Variants in REEP6 observed in about 807,000 individuals in gnomAD.
REEP6 encodes receptor expression-enhancing protein 6.
A neutral mutation model predicts 22.4 loss-of-function variants in REEP6; 19 were observed. That is an observed-to-expected ratio of 0.85 (90% CI 0.59 to 1.25). The LOEUF is 1.25. REEP6 is among the 50% of genes most tolerant of loss of function. REEP6 has a pLI of 0.00. For synonymous variants in REEP6, 121 were observed against 113.6 expected, an observed-to-expected ratio of 1.06 and a Z score of -0.41; for missense variants, 273 against 251.9, an observed-to-expected ratio of 1.08 and a Z score of -0.57.
rs142474541 is a variant in REEP6 at position 1,495,414 on chromosome 19, G to A, written c.209+27G>A. 5.8e-5 allele frequency: 94 copies of A among 1,613,680 alleles called. 1 individual carries two copies. The Middle Eastern group carries it at 1.2e-3, about 20-fold the overall frequency. On this transcript the variant is annotated intron_variant, in intron 2 of 4. Coordinates refer to ENST00000233596, the MANE Select transcript of REEP6 (RefSeq NM_138393.4). The stretch of plus-strand genomic sequence containing the variant: ...TGAGTGCACGGCTGGCTGCCCACGC[G>A]GGGGGTTCTGGGGGCTCCCTGGCAG...
chr19:1,491,364 A>T lies in REEP6; in HGVS notation c.95A>T (p.Glu32Val), dbSNP rs901177993. The T allele has an allele frequency of 1.4e-6, 2 of 1,470,496 alleles. No individual in the cohort carries two copies. Among genetic ancestry groups the T allele is most frequent in the Non-Finnish European group, 1.8e-6 (2 of 1,111,538 alleles). The allele number at this position is 1,470,496 out of a possible 1,614,324, so 91.1% of individuals were successfully genotyped here. The change falls in exon 1 of 5, where the codon GAG (glutamate) becomes GTG (valine). Residue 32 changes from glutamate to valine, a missense_variant. Coordinates refer to ENST00000233596, the MANE Select transcript of REEP6 (RefSeq NM_138393.4). This position sits in a 1 kb window ranked among gnomAD's most constrained non-coding sequence, Gnocchi z 5.4. Reference protein sequence around the residue: ...LGALEAKTGVEKRYLAAGAVT... With the variant: ...LGALEAKTGVVKRYLAAGAVT... ...GCGCTGGAGGCCAAGACCGGGGTGG[A>T]GAAGCGGTATCTGGCTGCAGGTGAG...
rs2085015778 is a variant in REEP6 at position 1,497,150 on chromosome 19, CCCCA to C, written c.518-20_518-17del. Reference sequence around the variant, plus strand: ...AGCCCAGGCCTGCCTCACGGCCCTCCCCCACCCGCCCCTCTCTCTGCAGTCAAGC... The same window carrying C: ...AGCCCAGGCCTGCCTCACGGCCCTCCCCCGCCCCTCTCTCTGCAGTCAAGC... On this transcript the variant is annotated intron_variant, in intron 4 of 4. Transcript: ENST00000233596. The surrounding 1 kb of genome is among the most constrained non-coding windows in gnomAD (Gnocchi z 6.5). 1.5e-6 allele frequency: 2 copies of C among 1,357,790 alleles called. No individual in the cohort carries two copies. The highest frequency in any genetic ancestry group is 2.6e-5 in the East Asian group (1 of 38,638). The allele number at this position is 1,357,790 out of a possible 1,614,324, so 84.1% of individuals were successfully genotyped here. A position where few individuals can be genotyped will look rare whatever the true frequency, so the allele number is the denominator to read the frequency against.
At chr19:1,494,747 C>T (rs1322850583) in intron 1 of REEP6, among the ~76,000 whole-genome samples, 2 of 152,076 alleles carry the variant, frequency 1.3e-5, no homozygotes, top group African/African-American at 4.8e-5. Flanking sequence ...TGCAACGGCG[C>T]GATCTTGGCT....
Position 1,496,271 on chromosome 19 carries a change from G to A in REEP6, c.349-14G>A. ...CTGGGTGGGCCCGCGTGTAACTCCT[G>A]CCCCGCCCTGCAGTGCGCCTTCCTG... is the stretch of plus-strand genomic sequence containing the variant. On this transcript the variant is annotated splice_polypyrimidine_tract_variant and intron_variant, in intron 3 of 4. Coordinates refer to ENST00000233596, the MANE Select transcript of REEP6 (RefSeq NM_138393.4). 1 of 1,594,466 alleles carries A rather than the reference G, an allele frequency of 6.3e-7. No individual in the cohort carries two copies. The highest frequency in any genetic ancestry group is 8.6e-7 in the Non-Finnish European group (1 of 1,168,326).
rs1429733129 is a variant in REEP6, at chr19:1,497,443, G to A, written c.*232G>A. ...CAGGGCCAGCTGCCCTCTGGCTCTG[G>A]CTGTGGCTCCCGCCTGTCCGGCAGG... On this transcript the variant is annotated 3_prime_UTR_variant, in exon 5 of 5. Transcript: ENST00000233596. The surrounding 1 kb of genome is among the most constrained non-coding windows in gnomAD (Gnocchi z 6.5). 1 of 708,454 alleles carries A rather than the reference G, an allele frequency of 1.4e-6. No individual in the cohort carries two copies. Among genetic ancestry groups the A allele is most frequent in the Admixed American group, 2.0e-5 (1 of 49,718 alleles). The allele number at this position is 708,454 out of a possible 1,614,324, so 43.9% of individuals were successfully genotyped here. A position where few individuals can be genotyped will look rare whatever the true frequency, so the allele number is the denominator to read the frequency against.
In REEP6 at chr19:1,495,538, CCT is replaced by C. The variant is rs759026615; in HGVS notation, c.280_281del (p.Leu94ValfsTer320). On this transcript the variant is annotated frameshift_variant, in exon 3 of 5. Coordinates refer to ENST00000233596, the MANE Select transcript of REEP6 (RefSeq NM_138393.4). LOFTEE classifies it high-confidence loss of function. ...GGCTCACCTACTGGGTGGTGTACGC[CCT>C]GTTTGGGCTGGCCGAGTTCTTCAGC... ...VWLTYWVVYA[L>X]FGLAEFFSDL... 7.4e-6 allele frequency: 12 copies of C among 1,614,092 alleles called. No individual in the cohort carries two copies. In the East Asian group the frequency reaches 2.7e-4, roughly 36 times the overall value.
Position 1,497,275 on chromosome 19 carries a change from A to G in REEP6, c.*64A>G. On this transcript the variant is annotated 3_prime_UTR_variant, in exon 5 of 5. Transcript: ENST00000233596. The surrounding 1 kb of genome is among the most constrained non-coding windows in gnomAD (Gnocchi z 6.5). ...GAGGAGGGGGCCGCGCCAGGCTCCC[A>G]GGCCTCCACAGAGTCTTCAGCGCAT... 1 of 1,404,614 alleles carries G rather than the reference A, an allele frequency of 7.1e-7. No homozygotes were observed. The highest frequency in any genetic ancestry group is 9.9e-7 in the Non-Finnish European group (1 of 1,013,162). The allele number at this position is 1,404,614 out of a possible 1,614,324, so 87.0% of individuals were successfully genotyped here.
In REEP6 at chr19:1,491,318, C is replaced by T; in HGVS notation, c.49C>T (p.Leu17=). ...RVEHFLEQRN[L]VTEVLGALEA... ...GGAGCACTTCCTGGAGCAAAGGAAC[C>T]TGGTCACCGAAGTGCTGGGGGCGCT... is the stretch of plus-strand genomic sequence containing the variant. The change falls in exon 1 of 5, where the codon CTG becomes TTG. Residue 17 remains leucine, a synonymous_variant. Coordinates refer to ENST00000233596, the MANE Select transcript of REEP6 (RefSeq NM_138393.4). The surrounding 1 kb of genome is among the most constrained non-coding windows in gnomAD (Gnocchi z 5.4). The T allele has an allele frequency of 2.7e-6, 4 of 1,479,902 alleles. No individual in the cohort carries two copies. The highest frequency in any genetic ancestry group is 9.0e-7 in the Non-Finnish European group (1 of 1,116,276). 91.7% of individuals were successfully genotyped at this position (1,479,902 alleles called of 1,614,324 possible). A position where few individuals can be genotyped will look rare whatever the true frequency, so the allele number is the denominator to read the frequency against.
chr19:1,495,247 G>C, intron 1 of REEP6, 47 bp from the exon 2 acceptor site: 1 of 1,579,306 alleles, frequency 6.3e-7, no homozygotes, highest in Non-Finnish European at 8.6e-7. Context: ...CGTCGTGGGG[G>C]CTCAGCGGGT....
intron 1 of REEP6, among the ~76,000 whole-genome samples, chr19:1,492,350 C>T (rs1038092012): frequency 6.6e-6 from 1 of 152,196 alleles, no homozygotes; most frequent in African/African-American, 2.4e-5. Flanking sequence ...TGGTCTTGAA[C>T]TCCTGGCCTC....
intron 3 of REEP6, chr19:1,496,068 G>A (rs1356393209): frequency 6.8e-6 from 4 of 589,630 alleles, no homozygotes; most frequent in African/African-American, 5.6e-5. Flanking sequence ...TAGGACGTCT[G>A]ATGGTGGAGG....
chr19:1,497,060 C>A lies in REEP6; in HGVS notation c.518-114C>A. ...CACCATCTCTGCTGAGGGTGGCTGC[C>A]CGGCCCCTCGACTTGTCATGCTCAT... On this transcript the variant is annotated intron_variant, in intron 4 of 4. Coordinates refer to ENST00000233596, the MANE Select transcript of REEP6 (RefSeq NM_138393.4). This position sits in a 1 kb window ranked among gnomAD's most constrained non-coding sequence, Gnocchi z 6.5. 1.1e-6 allele frequency: 1 copy of A among 872,046 alleles called. No homozygotes were observed. The highest frequency in any genetic ancestry group is 1.7e-6 in the Non-Finnish European group (1 of 586,148). The allele number at this position is 872,046 out of a possible 1,614,324, so 54.0% of individuals were successfully genotyped here.
In REEP6 at chr19:1,496,391, A is replaced by G. The variant is rs772895249; in HGVS notation, c.455A>G (p.Asp152Gly). 85 of 1,613,058 alleles carry G rather than the reference A, an allele frequency of 5.3e-5. No individual in the cohort carries two copies. Among genetic ancestry groups the G allele is most frequent in the Non-Finnish European group, 6.9e-5 (81 of 1,179,906 alleles). Residue 152 changes from aspartate to glycine, a missense_variant, in exon 4 of 5, where the codon GAC (aspartate) becomes GGC (glycine). Asp to Gly is a moderately conservative substitution (Grantham distance 94, BLOSUM62 -1). Coordinates refer to ENST00000233596, the MANE Select transcript of REEP6 (RefSeq NM_138393.4). ...TTCCTAAGGCACCACGGGGCCGTAG[A>G]CAGAATCATGAACGACCTCAGCGGG... Reference protein sequence around the residue: ...PLFLRHHGAVDRIMNDLSGRA... With the variant: ...PLFLRHHGAVGRIMNDLSGRA...
At chr19:1,495,253 C>T (rs201257492) in intron 1 of REEP6, 41 bp from the exon 2 acceptor site, 119 of 1,589,544 alleles carry the variant, frequency 7.5e-5, no homozygotes, top group Admixed American at 2.7e-4. Context: ...GGGGGCTCAG[C>T]GGGTCCCCAG....
At position 1,491,358 on chromosome 19, in the gene REEP6, G is replaced by A. The variant is rs2084934167; in HGVS notation, c.89G>A (p.Gly30Glu). Residue 30 changes from glycine (G) to glutamate (E), a missense_variant, in exon 1 of 5, where the codon GGG becomes GAG. Transcript: ENST00000233596. The surrounding 1 kb of genome is among the most constrained non-coding windows in gnomAD (Gnocchi z 5.4). ...EVLGALEAKTGVEKRYLAAGA... is the reference protein window; with the variant it reads ...EVLGALEAKTEVEKRYLAAGA... ...CTGGGGGCGCTGGAGGCCAAGACCG[G>A]GGTGGAGAAGCGGTATCTGGCTGCA... 2 of 1,474,170 alleles carry A rather than the reference G, an allele frequency of 1.4e-6. No homozygotes were observed. The highest frequency in any genetic ancestry group is 1.3e-5 in the South Asian group (1 of 74,948). The allele number at this position is 1,474,170 out of a possible 1,614,324, so 91.3% of individuals were successfully genotyped here.
chr19:1,492,731 C>A (rs997709326), intron 1 of REEP6, among the ~76,000 whole-genome samples: 14 of 143,706 alleles, frequency 9.7e-5, no homozygotes, highest in African/African-American at 4.1e-4. Flanking sequence ...TCCCAGGAGT[C>A]CAGTTCCCCC....
At chr19:1,492,103 C>T (rs892953504) in intron 1 of REEP6, among the ~76,000 whole-genome samples, 1 of 152,158 alleles carries the variant, frequency 6.6e-6, no homozygotes, top group Non-Finnish European at 1.5e-5. Context: ...TCCTTAAATG[C>T]CTCCCTCCCC....
Position 1,491,263 on chromosome 19 carries a change from CG to C in REEP6, c.-3del. The C allele has an allele frequency of 6.8e-7, 1 of 1,463,068 alleles. No homozygotes were observed. The highest frequency in any genetic ancestry group is 9.0e-7 in the Non-Finnish European group (1 of 1,105,292). The allele number at this position is 1,463,068 out of a possible 1,614,324, so 90.6% of individuals were successfully genotyped here. A position where few individuals can be genotyped will look rare whatever the true frequency, so the allele number is the denominator to read the frequency against. ...CTCGAGCAGCCAACCCCGGGCGCGTCGGGGCCATGGACGGCCTGAGGCAGCG... is the reference window on the plus strand; with the variant it reads ...CTCGAGCAGCCAACCCCGGGCGCGTCGGGCCATGGACGGCCTGAGGCAGCG... On this transcript the variant is annotated 5_prime_UTR_variant, in exon 1 of 5. Coordinates refer to ENST00000233596, the MANE Select transcript of REEP6 (RefSeq NM_138393.4). This position sits in a 1 kb window ranked among gnomAD's most constrained non-coding sequence, Gnocchi z 5.4.
At chr19:1,493,662 C>T (rs1053274034) in intron 1 of REEP6, among the ~76,000 whole-genome samples, 4 of 135,608 alleles carry the variant, frequency 2.9e-5, no homozygotes, top group East Asian at 2.3e-4. Flanking sequence ...ATGCAGCTGT[C>T]GTAGTCATTC....
Sources: allele counts gnomAD v4.1 joint callset (sites outside exome capture counted in the v4.1 genomes callset), GRCh38; gene constraint gnomAD v4.1.1; non-coding constraint Gnocchi (gnomAD v3.1); transcripts MANE v1.5; gene names NCBI Gene and HGNC (gene_info 2026-07-23, HGNC 2026-07-21).